Variants in ATAD2B observed in about 807,000 individuals in gnomAD.
ATAD2B encodes the protein ATPase family AAA domain-containing protein 2B.
A neutral mutation model predicts 167.6 loss-of-function variants in ATAD2B; 40 were observed. The observed-to-expected ratio is 0.24, with a 90% CI of 0.19 to 0.31. ATAD2B has a LOEUF of 0.31. ATAD2B is among the 10% of genes least tolerant of loss of function. ATAD2B has a pLI of 1.00. For synonymous variants in ATAD2B, 579 were observed against 596.5 expected, an observed-to-expected ratio of 0.97 and a Z score of 0.43; for missense variants, 1,242 against 1,757.2, an observed-to-expected ratio of 0.71 and a Z score of 5.24.
chr2:23,816,034 T>C (rs894617257), intron 17 of ATAD2B, among the ~76,000 whole-genome samples: 3 of 152,150 alleles, frequency 2.0e-5, no homozygotes, highest in Non-Finnish European at 4.4e-5. Context: ...ATGGGCACTT[T>C]TACAAAACAT....
chr2:23,764,778 T>C (rs1296186823), intron 23 of ATAD2B, among the ~76,000 whole-genome samples: 1 of 140,908 alleles, frequency 7.1e-6, no homozygotes, highest in African/African-American at 2.6e-5. Flanking sequence ...TGTATTTCTT[T>C]AGCAATACCA....
intron 13 of ATAD2B, 77 bp from the exon 14 acceptor site, chr2:23,834,155 T>TA: frequency 1.7e-6 from 1 of 604,122 alleles, no homozygotes. Flanking sequence ...AGTCTTTCTT[T>TA]TTTTTTTTTT....
intron 13 of ATAD2B, among the ~76,000 whole-genome samples, chr2:23,848,433 C>G (rs757606146): frequency 6.6e-6 from 1 of 152,126 alleles, no homozygotes; most frequent in African/African-American, 2.4e-5. Context: ...TGAGCCGAGA[C>G]TGCGCCACTA....
chr2:23,898,301 C>T (rs879303161), intron 1 of ATAD2B, among the ~76,000 whole-genome samples: 15 of 152,190 alleles, frequency 9.9e-5, no homozygotes, highest in Non-Finnish European at 1.5e-4. Context: ...CTAAGGGAGG[C>T]CACTGCATCT....
intron 22 of ATAD2B, among the ~76,000 whole-genome samples, chr2:23,772,926 T>A (rs1678557869): frequency 6.6e-6 from 1 of 152,138 alleles, no homozygotes; most frequent in Non-Finnish European, 1.5e-5. Flanking sequence ...TTTGTAGAGA[T>A]GGTGTCTTGC....
chr2:23,880,609 G>A, intron 7 of ATAD2B, 30 bp downstream of exon 7: 1 of 1,302,944 alleles, frequency 7.7e-7, no homozygotes. Flanking sequence ...TCAACTACCA[G>A]AAAGAAAAAA....
chr2:23,887,980 G>A lies in ATAD2B; in HGVS notation c.424C>T (p.Arg142Ter), dbSNP rs1443109548. The A allele has an allele frequency of 1.3e-6, 2 of 1,582,280 alleles. No individual in the cohort carries two copies. The highest frequency in any genetic ancestry group is 1.7e-6 in the Non-Finnish European group (2 of 1,168,828). Residue 142 changes from arginine (R) to a stop codon, truncating the protein, a stop_gained, in exon 4 of 28, where the codon CGA (arginine) becomes TGA (stop). Transcript: ENST00000238789. LOFTEE classifies it high-confidence loss of function. ...TTTTCCCCTCGAAGGGGATGGCTTC[G>A]AAGGGCTACAAGAAGAGAGATATTT... ...LPNGHSGLSL[R>*]SHPLRGEKKG...
chr2:23,792,962 CAA>C (rs36015161), intron 19 of ATAD2B, among the ~76,000 whole-genome samples: 48 of 42,530 alleles, frequency 1.1e-3, no homozygotes, highest in African/African-American at 4.7e-3. Flanking sequence ...GACTCTGTCT[CAA>C]AAAAAAAAAA....
intron 8 of ATAD2B, among the ~76,000 whole-genome samples, chr2:23,871,307 A>G (rs1365424228): frequency 2.0e-5 from 3 of 151,928 alleles, no homozygotes; most frequent in Non-Finnish European, 4.4e-5. Flanking sequence ...AACATTTGCC[A>G]TGATCTTACC....
At chr2:23,919,344 C>G (rs569733300) in intron 1 of ATAD2B, among the ~76,000 whole-genome samples, 66 of 152,092 alleles carry the variant, frequency 4.3e-4, no homozygotes, top group African/African-American at 1.5e-3. Context: ...CCCAGGAGTT[C>G]AAGACCAGCC....
the ATAD2B span, chr2:23,691,248 G>A: frequency 4.3e-6 from 1 of 230,436 alleles, no homozygotes; most frequent in Non-Finnish European, 8.6e-6. Context: ...CCAGTTGGGA[G>A]CCTCCCAAGC....
intron 13 of ATAD2B, among the ~76,000 whole-genome samples, chr2:23,835,172 G>T (rs530691699): frequency 6.6e-6 from 1 of 152,106 alleles, no homozygotes; most frequent in African/African-American, 2.4e-5. Flanking sequence ...AAACGTAAGA[G>T]TTGCCAAATG....
At chr2:23,820,880 C>T (rs774476833) in intron 16 of ATAD2B, among the ~76,000 whole-genome samples, 1 of 152,000 alleles carries the variant, frequency 6.6e-6, no homozygotes, top group Non-Finnish European at 1.5e-5. Flanking sequence ...ACCCAGGAGG[C>T]GGAGCTTGCA....
chr2:23,807,260 ATAG>A (rs1449054500), intron 18 of ATAD2B, among the ~76,000 whole-genome samples: 10 of 151,522 alleles, frequency 6.6e-5, no homozygotes, highest in South Asian at 2.1e-4. Flanking sequence ...ATAAAGATTA[ATAG>A]TAGTGTGTAC....
rs749586184 is a variant in ATAD2B, at chr2:23,865,398, G to A, written c.1189-474C>T. Among the ~76,000 whole-genome samples, 26 of 151,888 alleles carry A rather than the reference G, an allele frequency of 1.7e-4. 1 individual carries two copies. Among genetic ancestry groups the A allele is most frequent in the Admixed American group, 5.9e-4 (9 of 15,240 alleles). Reference sequence around the variant, plus strand: ...ACAAAAATTAGCTGGGCATGGTGGCGCACGCCTGTAATCCCAGCTACTTGG... The same window carrying A: ...ACAAAAATTAGCTGGGCATGGTGGCACACGCCTGTAATCCCAGCTACTTGG... On this transcript the variant is annotated intron_variant, in intron 10 of 27. Coordinates refer to ENST00000238789, the MANE Select transcript of ATAD2B (RefSeq NM_017552.4).
At chr2:23,820,847 G>A (rs1199997811) in intron 16 of ATAD2B, among the ~76,000 whole-genome samples, 1 of 152,156 alleles carries the variant, frequency 6.6e-6, no homozygotes, top group Non-Finnish European at 1.5e-5. Context: ...TACTCGGGAG[G>A]CTGAGGCAGA....
intron 1 of ATAD2B, 125 bp from the exon 2 acceptor site, chr2:23,896,095 C>A: frequency 1.7e-6 from 1 of 577,982 alleles, no homozygotes. Flanking sequence ...GGTGGGCGAT[C>A]ACTTGAGGTC....
In ATAD2B at chr2:23,863,502, G is replaced by A; in HGVS notation, c.1358C>T (p.Ala453Val). The A allele has an allele frequency of 6.4e-7, 1 of 1,569,798 alleles. No homozygotes were observed. Among genetic ancestry groups the A allele is most frequent in the Non-Finnish European group, 8.6e-7 (1 of 1,156,394 alleles). The change falls in exon 12 of 28, where the codon GCA (alanine) becomes GTA (valine). Residue 453 changes from alanine to valine, a missense_variant. Physicochemically the swap from Ala to Val is moderately conservative, Grantham distance 64. Around this residue, in one of 9 missense-constraint regions of ATAD2B, gnomAD observed 151 missense variants for 284.1 expected, o/e 0.53. Transcript: ENST00000238789. ...PGTGKTLVAR[A>V]LANECSQGDK... ...TCCTTGGCTGCATTCATTAGCTAAT[G>A]CTCTGGCAACCAAGGTTTTACCTGT... is the stretch of plus-strand genomic sequence containing the variant.
chr2:23,923,888 A>G lies in ATAD2B; in HGVS notation c.216+2667T>C, dbSNP rs532494110. 1.3e-3 allele frequency among the ~76,000 whole-genome samples: 199 copies of G among 152,376 alleles called. 1 individual carries two copies. The highest frequency in any genetic ancestry group is 3.4e-3 in the Middle Eastern group (1 of 294). On this transcript the variant is annotated intron_variant, in intron 1 of 27. Coordinates refer to ENST00000238789, the MANE Select transcript of ATAD2B (RefSeq NM_017552.4). ...AATAGGCATCAAGTGTAGTTAGTTAAGAACATGGCACAGGCTGGGCGCGGT... is the reference window on the plus strand; with the variant it reads ...AATAGGCATCAAGTGTAGTTAGTTAGGAACATGGCACAGGCTGGGCGCGGT...
Sources: gnomAD v4.1 joint callset for allele counts (sites outside exome capture counted in the v4.1 genomes callset) on GRCh38, gnomAD v4.1.1 for gene constraint, gnomAD v4.1.1 regional missense constraint, MANE v1.5 for transcripts, NCBI Gene and HGNC (gene_info 2026-07-23, HGNC 2026-07-21) for gene names.